Variants in MTUS1 observed in about 807,000 individuals in gnomAD.
MTUS1 encodes microtubule associated scaffold protein 1.
MTUS1 carries 109 observed loss-of-function variants against 120.8 expected under a neutral mutation model. The observed-to-expected ratio is 0.90, with a 90% CI of 0.77 to 1.06. The LOEUF is 1.06. Among genes scored for constraint, MTUS1 ranks in the 50% least tolerant of loss-of-function variants. The pLI, the probability that MTUS1 is intolerant of heterozygous loss-of-function variation, is 0.00. For missense variants in MTUS1, 2,210 were observed against 1,486.3 expected, an observed-to-expected ratio of 1.49 and a Z score of -8.01; for synonymous variants, 737 against 550.5, an observed-to-expected ratio of 1.34 and a Z score of -4.74.
chr8:17,723,858 G>C, intron 3 of MTUS1, 25 bp from the exon 4 acceptor site: 1 of 1,524,008 alleles, frequency 6.6e-7, no homozygotes, highest in Non-Finnish European at 8.8e-7. Flanking sequence ...AAAACAAAAA[G>C]TTTCCAGTGC....
At chr8:17,676,379 G>A (rs1813121359) in intron 7 of MTUS1, 5 of 702,106 alleles carry the variant, frequency 7.1e-6, no homozygotes, top group Non-Finnish European at 1.3e-5. Context: ...TGTGCAAGAA[G>A]CATACAGGTG....
chr8:17,647,611 A>G (rs2130005219), intron 13 of MTUS1, among the ~76,000 whole-genome samples: 1 of 152,292 alleles, frequency 6.6e-6, no homozygotes, highest in Admixed American at 6.5e-5. Flanking sequence ...AATTCGATAG[A>G]GCTCTTAGAG....
intron 7 of MTUS1, among the ~76,000 whole-genome samples, chr8:17,682,319 C>T (rs753396895): frequency 1.6e-4 from 24 of 152,174 alleles, no homozygotes; most frequent in Non-Finnish European, 3.1e-4. Context: ...AGTTCAAGAC[C>T]AGCCTGGCCC....
At chr8:17,752,143 C>T (rs960507140) in intron 2 of MTUS1, among the ~76,000 whole-genome samples, 4 of 152,018 alleles carry the variant, frequency 2.6e-5, no homozygotes, top group African/African-American at 7.2e-5. Flanking sequence ...AACCCTAAGA[C>T]TCAATGCACA....
intron 3 of MTUS1, among the ~76,000 whole-genome samples, chr8:17,736,928 G>A (rs1211319772): frequency 6.6e-6 from 1 of 152,046 alleles, no homozygotes; most frequent in East Asian, 1.9e-4. Flanking sequence ...ATCCAAAAAT[G>A]TATTTATTTT....
At chr8:17,792,435 G>T (rs1438702804) in intron 1 of MTUS1, among the ~76,000 whole-genome samples, 1 of 152,158 alleles carries the variant, frequency 6.6e-6, no homozygotes, top group Non-Finnish European at 1.5e-5. Flanking sequence ...AATATAAAAT[G>T]GTTTAGGTTT....
chr8:17,728,515 C>G (rs182694295), intron 3 of MTUS1, among the ~76,000 whole-genome samples: 111 of 152,302 alleles, frequency 7.3e-4, no homozygotes, highest in African/African-American at 2.5e-3. Context: ...TCACAAAGTT[C>G]AAACATATAC....
chr8:17,761,735 T>C (rs1483947101), intron 1 of MTUS1, among the ~76,000 whole-genome samples: 1 of 152,220 alleles, frequency 6.6e-6, no homozygotes. Flanking sequence ...GTAATTTTAC[T>C]ACTTATTTAT....
chr8:17,667,852 G>A (rs1415977615), intron 8 of MTUS1, among the ~76,000 whole-genome samples: 1 of 152,168 alleles, frequency 6.6e-6, no homozygotes, highest in African/African-American at 2.4e-5. Flanking sequence ...GAAGTAGACT[G>A]AGAGCTGAAC....
chr8:17,749,475 A>G (rs929683066), intron 2 of MTUS1, among the ~76,000 whole-genome samples: 6 of 151,894 alleles, frequency 4.0e-5, no homozygotes, highest in African/African-American at 1.5e-4. Flanking sequence ...CCTGGCCAAC[A>G]TGAGGAAAGC....
In MTUS1 at chr8:17,754,821, C is replaced by T; in HGVS notation, c.987G>A (p.Arg329=). Residue 329 remains arginine, a synonymous_variant, in exon 2 of 15, where the codon AGG becomes AGA. Coordinates refer to ENST00000693296, the MANE Select transcript of MTUS1 (RefSeq NM_001363059.2). The part of the protein sequence containing the change: ...NSEPHSQSSY[R]HKEMGQNLRE... ...TCAGATTTTGGCCCATTTCCTTGTG[C>T]CTGTATGAGCTCTGTGAATGTGGTT... The T allele has an allele frequency of 6.2e-7, 1 of 1,614,180 alleles. No homozygotes were observed. Among genetic ancestry groups the T allele is most frequent in the Non-Finnish European group, 8.5e-7 (1 of 1,180,016 alleles).
At chr8:17,689,937 T>C (rs1268014245) in intron 6 of MTUS1, among the ~76,000 whole-genome samples, 1 of 148,776 alleles carries the variant, frequency 6.7e-6, no homozygotes, top group East Asian at 2.0e-4. Context: ...GGGAGGGAAC[T>C]AGAAAAAACT....
chr8:17,766,476 T>C (rs1204578795), intron 1 of MTUS1, among the ~76,000 whole-genome samples: 1 of 152,228 alleles, frequency 6.6e-6, no homozygotes, highest in Non-Finnish European at 1.5e-5. Flanking sequence ...GGAATAACTG[T>C]TGCACCATTT....
chr8:17,693,179 T>C (rs1393699934), intron 6 of MTUS1: 1 of 152,196 alleles, frequency 6.6e-6, no homozygotes, highest in Non-Finnish European at 1.5e-5. Flanking sequence ...ATTATAAAAA[T>C]AGAACTAATA....
intron 8 of MTUS1, among the ~76,000 whole-genome samples, chr8:17,661,830 C>T (rs575529783): frequency 2.8e-4 from 43 of 152,298 alleles, no homozygotes; most frequent in African/African-American, 9.9e-4. Flanking sequence ...CAGCTGTGCA[C>T]AGACCTTTGC....
intron 8 of MTUS1, among the ~76,000 whole-genome samples, chr8:17,657,874 T>G (rs1808760887): frequency 6.6e-6 from 1 of 151,174 alleles, no homozygotes; most frequent in African/African-American, 2.4e-5. Flanking sequence ...GGTACATATG[T>G]GCACGTATAT....
rs56329126 is a variant in MTUS1, at chr8:17,797,151, C to A, written c.-155+3910G>T. Reference sequence around the variant, plus strand: ...TTTAGGCTGAGGGCGGTGGCTCATGCCTCTAATCCTAGCACTCTGGGAGGC... The same window carrying A: ...TTTAGGCTGAGGGCGGTGGCTCATGACTCTAATCCTAGCACTCTGGGAGGC... On this transcript the variant is annotated intron_variant, in intron 1 of 14. Transcript: ENST00000693296. 5.8e-3 allele frequency among the ~76,000 whole-genome samples: 877 copies of A among 152,134 alleles called. 11 individuals carry two copies. The highest frequency in any genetic ancestry group is 0.02 in the African/African-American group (823 of 41,502).
chr8:17,743,079 T>A (rs1338442023), intron 3 of MTUS1, among the ~76,000 whole-genome samples: 1 of 152,152 alleles, frequency 6.6e-6, no homozygotes, highest in Admixed American at 6.5e-5. Flanking sequence ...TCACATTTCA[T>A]TGGCCTAACA....
intron 1 of MTUS1, among the ~76,000 whole-genome samples, chr8:17,770,910 A>C (rs1262023370): frequency 6.6e-6 from 1 of 152,230 alleles, no homozygotes; most frequent in Admixed American, 6.5e-5. Flanking sequence ...CTGTCAGATT[A>C]AATCAGCATT....
Sources: allele counts gnomAD v4.1 joint callset (sites outside exome capture counted in the v4.1 genomes callset), GRCh38; gene constraint gnomAD v4.1.1; transcripts MANE v1.5; gene names NCBI Gene and HGNC (gene_info 2026-07-23, HGNC 2026-07-21).